SH3RF3: variants seen among roughly 807,000 people sequenced by gnomAD.
The protein encoded by SH3RF3 is E3 ubiquitin-protein ligase SH3RF3.
A neutral mutation model predicts 66.3 loss-of-function variants in SH3RF3; 29 were observed. The observed-to-expected ratio is 0.44, with a 90% confidence interval of 0.33 to 0.60. The LOEUF is 0.60. Ranked by LOEUF, SH3RF3 falls within the 20% of genes least tolerant of loss-of-function variation. SH3RF3 has a pLI of 0.04. For missense variants in SH3RF3, 1,194 were observed against 1,190.9 expected, an observed-to-expected ratio of 1.00 and a Z score of -0.04; for synonymous variants, 583 against 532.0, an observed-to-expected ratio of 1.10 and a Z score of -1.32.
chr2:109,293,048 A>G (rs2105371642), intron 1 of SH3RF3, among the ~76,000 whole-genome samples: 1 of 152,310 alleles, frequency 6.6e-6, no homozygotes, highest in Middle Eastern at 3.4e-3. Flanking sequence ...TTTAAATGGC[A>G]TCTGTCAGCT....
At chr2:109,257,394 G>A (rs1229621343) in intron 1 of SH3RF3, among the ~76,000 whole-genome samples, 1 of 151,794 alleles carries the variant, frequency 6.6e-6, no homozygotes, top group African/African-American at 2.4e-5. Context: ...GGAAGGGAAG[G>A]AGGGAGAGGA....
At chr2:109,431,379 G>A (rs1355005820) in intron 5 of SH3RF3, among the ~76,000 whole-genome samples, 1 of 152,192 alleles carries the variant, frequency 6.6e-6, no homozygotes, top group Non-Finnish European at 1.5e-5. Flanking sequence ...AATCTGGTAT[G>A]TTCTCTCCCT....
chr2:109,252,254 GAA>G (rs57575966), intron 1 of SH3RF3, among the ~76,000 whole-genome samples: 7 of 144,552 alleles, frequency 4.8e-5, no homozygotes, highest in African/African-American at 1.5e-4. Context: ...TCTCAGAGGA[GAA>G]AAAAAAAAAA....
At position 109,380,477 on chromosome 2, in the gene SH3RF3, GC is replaced by G. The variant is rs1683487297; in HGVS notation, c.945+8800del. On this transcript the variant is annotated intron_variant, in intron 3 of 9. Coordinates refer to ENST00000309415, the MANE Select transcript of SH3RF3 (RefSeq NM_001099289.3). ...ACAGAGCTCATCAAGCATGGGGAAT[GC>G]CCCACTGACCATCTCTAAATGGGTC... 2.0e-5 allele frequency among the ~76,000 whole-genome samples: 3 copies of G among 152,292 alleles called. No individual in the cohort carries two copies. The South Asian group carries it at 6.2e-4, about 32-fold the overall frequency.
At chr2:109,457,743 A>G (rs1055471208) in intron 8 of SH3RF3, among the ~76,000 whole-genome samples, 6 of 152,218 alleles carry the variant, frequency 3.9e-5, no homozygotes, top group African/African-American at 7.2e-5. Context: ...TTTCAAAGAC[A>G]TGGGATTTTT....
intron 1 of SH3RF3, among the ~76,000 whole-genome samples, chr2:109,319,989 G>T (rs780332642): frequency 6.6e-6 from 1 of 152,178 alleles, no homozygotes; most frequent in South Asian, 2.1e-4. Context: ...GATGGAGAGT[G>T]GGGGGTGCTA....
chr2:109,323,702 T>C (rs1682083949), intron 1 of SH3RF3, among the ~76,000 whole-genome samples: 1 of 152,214 alleles, frequency 6.6e-6, no homozygotes, highest in Admixed American at 6.5e-5. Context: ...AAGGTGAAGG[T>C]GGCCTGCTCT....
chr2:109,352,874 A>G (rs1218705775), intron 2 of SH3RF3, among the ~76,000 whole-genome samples: 1 of 152,238 alleles, frequency 6.6e-6, no homozygotes, highest in Non-Finnish European at 1.5e-5. Flanking sequence ...GAGTTTGGAT[A>G]AACTGCACAG....
intron 1 of SH3RF3, among the ~76,000 whole-genome samples, chr2:109,346,706 T>G (rs900895746): frequency 6.6e-6 from 1 of 152,082 alleles, no homozygotes; most frequent in African/African-American, 2.4e-5. Context: ...GACAGGCTCC[T>G]TATTGCTGAC....
chr2:109,246,373 T>C (rs1024576891), intron 1 of SH3RF3, among the ~76,000 whole-genome samples: 1 of 152,174 alleles, frequency 6.6e-6, no homozygotes, highest in Non-Finnish European at 1.5e-5. Flanking sequence ...GCAAGGCAAC[T>C]CTCCGAGGCC....
intron 5 of SH3RF3, among the ~76,000 whole-genome samples, chr2:109,432,290 G>C (rs1677249903): frequency 6.6e-6 from 1 of 152,202 alleles, no homozygotes. Flanking sequence ...CCTGCAGGCA[G>C]CTCCCCGAAG....
intron 1 of SH3RF3, among the ~76,000 whole-genome samples, chr2:109,147,818 T>C (rs939025004): frequency 4.6e-5 from 7 of 152,254 alleles, no homozygotes; most frequent in African/African-American, 1.4e-4. Context: ...TGATCTGTCA[T>C]TTAATAACTC....
At chr2:109,380,198 C>G (rs1320281228) in intron 3 of SH3RF3, among the ~76,000 whole-genome samples, 1 of 152,126 alleles carries the variant, frequency 6.6e-6, no homozygotes, top group Non-Finnish European at 1.5e-5. Flanking sequence ...TGCCTAGGTA[C>G]CGGCTCGCCC....
At chr2:109,486,048 T>G (rs1678967290) in intron 8 of SH3RF3, among the ~76,000 whole-genome samples, 1 of 152,278 alleles carries the variant, frequency 6.6e-6, no homozygotes, top group South Asian at 2.1e-4. Context: ...GGCCCTGCTT[T>G]CAACCCATGT....
intron 1 of SH3RF3, among the ~76,000 whole-genome samples, chr2:109,327,474 C>T (rs529314158): frequency 2.1e-4 from 32 of 151,088 alleles, no homozygotes; most frequent in African/African-American, 7.2e-4. Context: ...CTTCCACATA[C>T]ATTTTAAATC....
At chr2:109,486,476 C>T (rs376139718) in intron 8 of SH3RF3, among the ~76,000 whole-genome samples, 12 of 152,270 alleles carry the variant, frequency 7.9e-5, no homozygotes, top group South Asian at 6.2e-4. Context: ...CTAGGTATTT[C>T]GTAAACTATT....
At chr2:109,402,505 G>T (rs1676342493) in intron 4 of SH3RF3, among the ~76,000 whole-genome samples, 1 of 152,224 alleles carries the variant, frequency 6.6e-6, no homozygotes. Context: ...ACGTGGAGTG[G>T]ACAGAGCAGG....
At chr2:109,489,996 C>T (rs1487820904) in intron 8 of SH3RF3, among the ~76,000 whole-genome samples, 1 of 152,190 alleles carries the variant, frequency 6.6e-6, no homozygotes, top group Non-Finnish European at 1.5e-5. Flanking sequence ...CCTTGGCCTC[C>T]CAAATTGCTG....
At chr2:109,238,629 A>G (rs1485800687) in intron 1 of SH3RF3, among the ~76,000 whole-genome samples, 1 of 152,126 alleles carries the variant, frequency 6.6e-6, no homozygotes, top group African/African-American at 2.4e-5. Context: ...CCACTGTTTC[A>G]GAGTTTCTTA....
Sources: gnomAD v4.1 joint callset for allele counts (sites outside exome capture counted in the v4.1 genomes callset) on GRCh38, gnomAD v4.1.1 for gene constraint, MANE v1.5 for transcripts, NCBI Gene and HGNC (gene_info 2026-07-23, HGNC 2026-07-21) for gene names.